Variants in IQANK1 observed in about 807,000 individuals in gnomAD.
IQANK1 encodes IQ motif and ankyrin repeat domain-containing protein 1.
A neutral mutation model predicts 22.6 loss-of-function variants in IQANK1; 30 were observed. The observed-to-expected ratio is 1.33, with a 90% CI of 0.99 to 1.80. IQANK1 has a LOEUF of 1.80. Among genes scored for constraint, IQANK1 ranks in the 40% most tolerant of loss-of-function variants. The probability of loss-of-function intolerance (pLI) is 0.00; values close to 1 mark genes in which losing one functional copy is unlikely to be tolerated. For missense variants in IQANK1, 275 were observed against 235.2 expected (o/e 1.17, Z -1.11); for synonymous variants, 122 against 99.6 (o/e 1.23, Z -1.34).
chr8:143,735,719 CT>C lies in IQANK1; in HGVS notation c.-4-130del. The C allele has an allele frequency of 1.6e-6, 1 of 630,180 alleles. No individual in the cohort carries two copies. Among genetic ancestry groups the C allele is most frequent in the South Asian group, 1.8e-5 (1 of 55,610 alleles). The allele number at this position is 630,180 out of a possible 1,614,324, so 39.0% of individuals were successfully genotyped here. On this transcript the variant is annotated intron_variant, in intron 1 of 13. Transcript: ENST00000527139. This position sits in a 1 kb window ranked among gnomAD's most constrained non-coding sequence, Gnocchi z 5.2. ...GCAGACAGGACACCAGCTGGGAAGC[CT>C]CAGGGGAGCCCATGTTCCTGCTGTC...
At chr8:143,766,887 C>T (rs781782936) in intron 3 of IQANK1, among the ~76,000 whole-genome samples, 3 of 152,144 alleles carry the variant, frequency 2.0e-5, no homozygotes, top group Non-Finnish European at 4.4e-5. Flanking sequence ...AGACACCTGT[C>T]CTCCCTCTCC....
chr8:143,766,255 C>T (rs537982713), intron 3 of IQANK1, among the ~76,000 whole-genome samples: 5 of 152,248 alleles, frequency 3.3e-5, no homozygotes, highest in Admixed American at 2.0e-4. Flanking sequence ...TTTTTTCTTA[C>T]GGCTTTGTAG....
At position 143,735,032 on chromosome 8, in the gene IQANK1, C is replaced by T. The variant is rs1451929002; in HGVS notation, c.-5+813C>T. 1.3e-5 allele frequency among the ~76,000 whole-genome samples: 2 copies of T among 152,236 alleles called. No homozygotes were observed. Among genetic ancestry groups the T allele is most frequent in the Non-Finnish European group, 2.9e-5 (2 of 68,044 alleles). On this transcript the variant is annotated intron_variant, in intron 1 of 13. Coordinates refer to ENST00000527139, the MANE Select transcript of IQANK1 (RefSeq NM_001381874.1). This position sits in a 1 kb window ranked among gnomAD's most constrained non-coding sequence, Gnocchi z 5.2. ...CCCTGCCTCAACCCTTTCTGATGGTCATCAGTCGCCTTTCTCTTTGTTCCT... is the reference window on the plus strand; with the variant it reads ...CCCTGCCTCAACCCTTTCTGATGGTTATCAGTCGCCTTTCTCTTTGTTCCT...
chr8:143,770,791 T>C (rs1819556940), intron 3 of IQANK1, among the ~76,000 whole-genome samples: 1 of 152,250 alleles, frequency 6.6e-6, no homozygotes, highest in South Asian at 2.1e-4. Context: ...AGCGCCCCAT[T>C]GCTGGACTCT....
chr8:143,780,496 T>A (rs1819777735), intron 7 of IQANK1, among the ~76,000 whole-genome samples: 1 of 152,034 alleles, frequency 6.6e-6, no homozygotes. Flanking sequence ...CTCAAGTAGA[T>A]CCTAGTATCT....
At chr8:143,784,258 G>T (rs1005419145) in intron 7 of IQANK1, among the ~76,000 whole-genome samples, 3 of 151,816 alleles carry the variant, frequency 2.0e-5, no homozygotes, top group Non-Finnish European at 2.9e-5. Flanking sequence ...TGGATCACGG[G>T]GGCTGATTTC....
chr8:143,750,968 T>TGTGTG (rs560433368), intron 3 of IQANK1, among the ~76,000 whole-genome samples: 80 of 113,072 alleles, frequency 7.1e-4, no homozygotes, highest in South Asian at 4.6e-3. Context: ...GTGTGTGTGT[T>TGTGTG]TTTTTGTAGT....
chr8:143,742,041 G>C (rs1256155514), intron 3 of IQANK1: 10 of 290,168 alleles, frequency 3.4e-5, no homozygotes, highest in African/African-American at 2.2e-4. Context: ...TGATGTCCAC[G>C]AGCCTGTCTG....
chr8:143,742,692 G>A, intron 3 of IQANK1: 3 of 455,944 alleles, frequency 6.6e-6, no homozygotes, highest in Non-Finnish European at 8.8e-6. Context: ...GAAACCTGCG[G>A]GAAGCTCCAA....
intron 7 of IQANK1, among the ~76,000 whole-genome samples, chr8:143,782,824 C>A (rs1449266908): frequency 6.6e-6 from 1 of 152,186 alleles, no homozygotes; most frequent in Non-Finnish European, 1.5e-5. Flanking sequence ...TTTATTCATT[C>A]ACTTTGTCAT....
In IQANK1 at chr8:143,758,956, G is replaced by T; in HGVS notation, c.176-12532G>T. On this transcript the variant is annotated intron_variant, in intron 3 of 13. Coordinates refer to ENST00000527139, the MANE Select transcript of IQANK1 (RefSeq NM_001381874.1). The surrounding 1 kb of genome is among the most constrained non-coding windows in gnomAD (Gnocchi z 4.2). ...GGAGATGAGCTCCTCGCCCAAGCTG[G>T]AGAGCATCCGCTGCACCCGCCATGC... 5.7e-6 allele frequency: 1 copy of T among 175,770 alleles called. No individual in the cohort carries two copies. 10.9% of individuals were successfully genotyped at this position (175,770 alleles called of 1,614,324 possible).
At position 143,749,319 on chromosome 8, in the gene IQANK1, T is replaced by A. The variant is rs1195470225; in HGVS notation, c.175+9371T>A. ...TAATATATAAAAATATAAAAATATA[T>A]ATAAAAATATATAAAATATATAAAA... On this transcript the variant is annotated intron_variant, in intron 3 of 13. Transcript: ENST00000527139. Among the ~76,000 whole-genome samples the A allele has an allele frequency of 1.2e-3, 107 of 89,028 alleles. 3 individuals are homozygous for A. The highest frequency in any genetic ancestry group is 4.5e-3 in the African/African-American group (94 of 21,064). 58.4% of individuals were successfully genotyped at this position (89,028 alleles called of 152,430 possible).
In IQANK1 at chr8:143,790,226, C is replaced by T; in HGVS notation, c.1379C>T (p.Pro460Leu). 8.1e-7 allele frequency: 1 copy of T among 1,232,178 alleles called. No individual in the cohort carries two copies. Among genetic ancestry groups the T allele is most frequent in the Non-Finnish European group, 1.0e-6 (1 of 988,034 alleles). 76.3% of individuals were successfully genotyped at this position (1,232,178 alleles called of 1,614,324 possible). ...TNYVDTVNPE[P>L]LRPETMWLAL... ...TATGTGGACACGGTGAACCCGGAGC[C>T]CCTGAGGCCGGAGACGATGTGGCTG... is the stretch of plus-strand genomic sequence containing the variant. Residue 460 changes from proline (P) to leucine (L), a missense_variant, in exon 13 of 14, where the codon CCC becomes CTC. Pro to Leu is a moderately conservative substitution (Grantham distance 98). Coordinates refer to ENST00000527139, the MANE Select transcript of IQANK1 (RefSeq NM_001381874.1).
intron 3 of IQANK1, among the ~76,000 whole-genome samples, chr8:143,766,614 T>C (rs149228873): frequency 5.1e-4 from 78 of 151,992 alleles, no homozygotes; most frequent in Middle Eastern, 3.4e-3. Flanking sequence ...GAGGTTGCAG[T>C]GAGCCAGGAT....
chr8:143,785,476 G>A lies in IQANK1; in HGVS notation c.790-3439G>A, dbSNP rs1280362017. Among the ~76,000 whole-genome samples, 3 of 151,998 alleles carry A rather than the reference G, an allele frequency of 2.0e-5. No individual in the cohort carries two copies. In the East Asian group the frequency reaches 5.8e-4, roughly 30 times the overall value. ...TTGCCATGTTGGCTAGGCTGGTCTTGAACTCCTGACCTCAAGTAATTTGCC... is the reference window on the plus strand; with the variant it reads ...TTGCCATGTTGGCTAGGCTGGTCTTAAACTCCTGACCTCAAGTAATTTGCC... On this transcript the variant is annotated intron_variant, in intron 7 of 13. Coordinates refer to ENST00000527139, the MANE Select transcript of IQANK1 (RefSeq NM_001381874.1).
chr8:143,763,161 G>A (rs890461110), intron 3 of IQANK1, among the ~76,000 whole-genome samples: 51 of 152,010 alleles, frequency 3.4e-4, no homozygotes, highest in African/African-American at 1.2e-3. Context: ...GATTACAGGC[G>A]CCCGCCACCA....
At chr8:143,757,883 G>C (rs999306953) in intron 3 of IQANK1, among the ~76,000 whole-genome samples, 1 of 152,136 alleles carries the variant, frequency 6.6e-6, no homozygotes, top group Admixed American at 6.5e-5. Context: ...GACATTGTAG[G>C]ACCCTGAATT....
Position 143,790,163 on chromosome 8 carries a change from G to A in IQANK1, c.1316G>A (p.Gly439Asp), listed in dbSNP as rs1820002297. 1.6e-6 allele frequency: 2 copies of A among 1,232,086 alleles called. No individual in the cohort carries two copies. The highest frequency in any genetic ancestry group is 2.0e-6 in the Non-Finnish European group (2 of 988,010). 76.3% of individuals were successfully genotyped at this position (1,232,086 alleles called of 1,614,324 possible). ...GRWPLVIDPL[G>D]QAATFLRYQD... ...TGGCCTCTTGTTATTGACCCTTTGG[G>A]CCAGGCGGCCACCTTCCTGCGCTAC... Residue 439 changes from glycine to aspartate, a missense_variant, in exon 13 of 14, where the codon GGC becomes GAC. Gly to Asp is a moderately conservative substitution (Grantham distance 94). Transcript: ENST00000527139.
At chr8:143,788,767 T>C in intron 7 of IQANK1, 148 bp from the exon 8 acceptor site, 1 of 396,916 alleles carries the variant, frequency 2.5e-6, no homozygotes. Flanking sequence ...GCTCATGCTT[T>C]GGGGCCCACC....
Sources: allele counts gnomAD v4.1 joint callset (sites outside exome capture counted in the v4.1 genomes callset), GRCh38; gene constraint gnomAD v4.1.1; non-coding constraint Gnocchi (gnomAD v3.1); transcripts MANE v1.5; gene names NCBI Gene and HGNC (gene_info 2026-07-23, HGNC 2026-07-21).